Variants in TMEM182 observed in about 807,000 individuals in gnomAD.
TMEM182 encodes the protein transmembrane protein 182.
A neutral mutation model predicts 26.8 loss-of-function variants in TMEM182; 20 were observed. The observed-to-expected ratio is 0.75, with a 90% CI of 0.53 to 1.09. The LOEUF (loss-of-function observed/expected upper bound fraction) is 1.09, where lower values mean the gene tolerates loss of function less well. Among genes scored for constraint, TMEM182 ranks in the 50% least tolerant of loss-of-function variants. The probability of loss-of-function intolerance (pLI) is 0.00; values close to 1 mark genes in which losing one functional copy is unlikely to be tolerated. For missense variants in TMEM182, 277 were observed against 275.5 expected (o/e 1.01, Z -0.04); for synonymous variants, 109 against 102.2 (o/e 1.07, Z -0.40).
chr2:102,748,441 C>T (rs1324001633), intron 1 of TMEM182, among the ~76,000 whole-genome samples: 5 of 152,282 alleles, frequency 3.3e-5, no homozygotes, highest in Middle Eastern at 6.8e-3. Context: ...ATAATTTAGA[C>T]ATACTCGGGT....
chr2:102,743,697 G>A (rs1679604981), intron 1 of TMEM182, among the ~76,000 whole-genome samples: 1 of 151,974 alleles, frequency 6.6e-6, no homozygotes, highest in Admixed American at 6.5e-5. Context: ...TAAGAAACAG[G>A]ATGCAACTAT....
At chr2:102,800,231 A>C (rs1176421928) in intron 4 of TMEM182, among the ~76,000 whole-genome samples, 2 of 152,202 alleles carry the variant, frequency 1.3e-5, no homozygotes, top group Non-Finnish European at 2.9e-5. Flanking sequence ...TGCAAGAATC[A>C]CCACTATCTG....
chr2:102,820,301 T>C (rs1682893380), downstream of TMEM182, among the ~76,000 whole-genome samples: 1 of 152,228 alleles, frequency 6.6e-6, no homozygotes, highest in South Asian at 2.1e-4. Flanking sequence ...CACTAGTTTA[T>C]TCAACAAACA....
At chr2:102,788,319 A>C (rs937617212) in intron 3 of TMEM182, among the ~76,000 whole-genome samples, 2 of 152,160 alleles carry the variant, frequency 1.3e-5, no homozygotes, top group African/African-American at 4.8e-5. Flanking sequence ...GATGTGTGGC[A>C]GCAATGGGGA....
intron 1 of TMEM182, among the ~76,000 whole-genome samples, chr2:102,751,266 T>C (rs1324568579): frequency 1.3e-5 from 2 of 152,152 alleles, no homozygotes; most frequent in Non-Finnish European, 2.9e-5. Context: ...AGGCGGTGTC[T>C]GATTGGCATA....
At chr2:102,767,821 A>G (rs1325854530) in intron 3 of TMEM182, among the ~76,000 whole-genome samples, 2 of 152,248 alleles carry the variant, frequency 1.3e-5, no homozygotes, top group African/African-American at 4.8e-5. Context: ...GCAGAATGCA[A>G]TGAACACAAT....
chr2:102,749,831 A>G (rs1259029294), intron 1 of TMEM182, among the ~76,000 whole-genome samples: 1 of 152,142 alleles, frequency 6.6e-6, no homozygotes, highest in South Asian at 2.1e-4. Context: ...TATAATTTTT[A>G]TGTAAAAAAT....
At chr2:102,817,714 G>A (rs1682802849), downstream of TMEM182, 2 of 983,394 alleles carry the variant, frequency 2.0e-6, no homozygotes, top group Admixed American at 1.2e-4. Context: ...CTATTTATCT[G>A]TCTATCATCA....
chr2:102,799,894 C>T (rs1009375445), intron 4 of TMEM182, among the ~76,000 whole-genome samples: 3 of 151,966 alleles, frequency 2.0e-5, no homozygotes, highest in Non-Finnish European at 4.4e-5. Flanking sequence ...AGGCCAGCCT[C>T]GGGAGAGAAC....
At chr2:102,823,832 A>C (rs1345315802) in intron 3 of TMEM182, among the ~76,000 whole-genome samples, 1 of 152,240 alleles carries the variant, frequency 6.6e-6, no homozygotes, top group Non-Finnish European at 1.5e-5. Context: ...AATCCCAGTG[A>C]CTGTCCAAAA....
intron 3 of TMEM182, among the ~76,000 whole-genome samples, chr2:102,765,209 G>A (rs1028751616): frequency 6.6e-5 from 10 of 152,088 alleles, no homozygotes; most frequent in African/African-American, 2.4e-4. Flanking sequence ...GAGAGTGAGA[G>A]AGAGTGATTG....
intron 3 of TMEM182, among the ~76,000 whole-genome samples, chr2:102,842,187 C>A (rs947953088): frequency 2.6e-5 from 4 of 152,148 alleles, no homozygotes; most frequent in African/African-American, 9.7e-5. Flanking sequence ...GACTACTCGC[C>A]ATCTCTGCTC....
In TMEM182 at chr2:102,803,430, A is replaced by G. The variant is rs191240979; in HGVS notation, c.469+5430A>G. 1.6e-3 allele frequency among the ~76,000 whole-genome samples: 237 copies of G among 152,326 alleles called. 2 individuals are homozygous for G. The highest frequency in any genetic ancestry group is 2.7e-3 in the Non-Finnish European group (182 of 68,024). ...TCTAGTGTAGGAAAGGTTAGTAGAT[A>G]TAAAGGGAATAGGAAGTTCCCATCT... is the stretch of plus-strand genomic sequence containing the variant. On this transcript the variant is annotated intron_variant, in intron 4 of 4. Coordinates refer to ENST00000412401, the MANE Select transcript of TMEM182 (RefSeq NM_144632.5).
chr2:102,825,412 C>T lies in TMEM182; in HGVS notation c.326-18000C>T, dbSNP rs114766148. Among the ~76,000 whole-genome samples, 1,289 of 152,178 alleles carry T rather than the reference C, an allele frequency of 8.5e-3. 19 individuals carry two copies. Among genetic ancestry groups the T allele is most frequent in the African/African-American group, 0.03 (1,240 of 41,500 alleles). On this transcript the variant is annotated intron_variant, in intron 3 of 3. Coordinates refer to the TMEM182 transcript ENST00000486293. The stretch of plus-strand genomic sequence containing the variant: ...AAGTTTCCTAAACTTAGTTTTTTAC[C>T]TAATTGTATTGTTTTAACATTTTTC...
rs974953796 is a variant in TMEM182, at chr2:102,824,172, G to A, written c.326-19240G>A. Among the ~76,000 whole-genome samples, 4 of 152,160 alleles carry A rather than the reference G, an allele frequency of 2.6e-5. No individual in the cohort carries two copies. The East Asian group carries it at 5.8e-4, about 22-fold the overall frequency. On this transcript the variant is annotated intron_variant, in intron 3 of 3. Transcript: ENST00000486293. ...AAGAGTTGTTTTTACCACTGTCTAT[G>A]CCTGGCTCAGTTGACTACATCACAG...
At chr2:102,762,005 C>A (rs1680229480), upstream of TMEM182, 2 of 431,514 alleles carry the variant, frequency 4.6e-6, no homozygotes, top group South Asian at 2.5e-5. Flanking sequence ...GGCTGGAGTT[C>A]CTCCAGGGGC....
chr2:102,836,322 A>G (rs1244185403), intron 3 of TMEM182, among the ~76,000 whole-genome samples: 3 of 152,232 alleles, frequency 2.0e-5, no homozygotes, highest in Non-Finnish European at 2.9e-5. Context: ...TTATCTTCGA[A>G]AGTAGCTGCA....
At chr2:102,771,156 C>T (rs931624195) in intron 3 of TMEM182, among the ~76,000 whole-genome samples, 2 of 152,056 alleles carry the variant, frequency 1.3e-5, no homozygotes, top group Non-Finnish European at 2.9e-5. Context: ...CTATGCACCA[C>T]AAAATGTAAT....
intron 3 of TMEM182, among the ~76,000 whole-genome samples, chr2:102,779,086 G>A (rs73944422): frequency 0.015 from 2,236 of 151,914 alleles, 50 homozygotes; most frequent in African/African-American, 0.05. Context: ...TATATTTTTT[G>A]GTAGGTATAA....
Sources: gnomAD v4.1 joint callset for allele counts (sites outside exome capture counted in the v4.1 genomes callset) on GRCh38, gnomAD v4.1.1 for gene constraint, MANE v1.5 for transcripts, NCBI Gene and HGNC (gene_info 2026-07-23, HGNC 2026-07-21) for gene names.